Variants in RNF19A observed in about 807,000 individuals in gnomAD.
RNF19A encodes ring finger protein 19A, RBR E3 ubiquitin protein ligase.
In RNF19A, 32 loss-of-function variants were observed where a neutral mutation model predicts 75.7. That is an observed-to-expected ratio of 0.42 (90% CI 0.32 to 0.57). The LOEUF is 0.57. Ranked by LOEUF, RNF19A falls within the 20% of genes least tolerant of loss-of-function variation. The pLI is 0.10. For missense variants in RNF19A, 782 were observed against 1,036.3 expected (o/e 0.75, Z 3.37); for synonymous variants, 335 against 345.2 (o/e 0.97, Z 0.33).
intron 1 of RNF19A, among the ~76,000 whole-genome samples, chr8:100,304,029 T>C (rs1821960975): frequency 6.6e-6 from 1 of 152,170 alleles, no homozygotes; most frequent in African/African-American, 2.4e-5. Context: ...CAATCTCGGC[T>C]CACTATAACC....
rs1820458076 is a variant in RNF19A, at chr8:100,275,410, T to TA, written c.675-250_675-249insT. On this transcript the variant is annotated intron_variant, in intron 2 of 9. Coordinates refer to ENST00000341084, the MANE Select transcript of RNF19A (RefSeq NM_183419.4). This position sits in a 1 kb window ranked among gnomAD's most constrained non-coding sequence, Gnocchi z 4.3. ...CAGGGTTTTTTTTTTAGGTTCAGGG[T>TA]TTTTTTTTTAGATTCAGGGGGTACA... 6.8e-6 allele frequency among the ~76,000 whole-genome samples: 1 copy of TA among 146,734 alleles called. No homozygotes were observed. Among genetic ancestry groups the TA allele is most frequent in the African/African-American group, 2.5e-5 (1 of 40,084 alleles).
Position 100,320,058 on chromosome 8 carries a change from A to T in RNF19A, c.-242-6686T>A, listed in dbSNP as rs1185228598. ...ACCATGTTGGCCAGGCTGGTCTCGA[A>T]CTCCTGACCTCAGGTGACCCAACTG... On this transcript the variant is annotated intron_variant, in intron 1 of 3. Coordinates refer to the RNF19A transcript ENST00000519527. Among the ~76,000 whole-genome samples, 898 of 105,866 alleles carry T rather than the reference A, an allele frequency of 8.5e-3. No homozygotes were observed. The Middle Eastern group carries it at 0.088, about 10-fold the overall frequency. The allele number at this position is 105,866 out of a possible 152,430, so 69.5% of individuals were successfully genotyped here.
intron 1 of RNF19A, among the ~76,000 whole-genome samples, chr8:100,307,867 T>C (rs1021795785): frequency 3.9e-5 from 6 of 152,172 alleles, no homozygotes; most frequent in African/African-American, 1.4e-4. Context: ...AATAGGAATC[T>C]TAGCACCTCT....
At position 100,322,236 on chromosome 8, in the gene RNF19A, G is replaced by A. The variant is rs753888468; in HGVS notation, c.-242-8864C>T. On this transcript the variant is annotated intron_variant, in intron 1 of 3. Coordinates refer to the RNF19A transcript ENST00000519527. The surrounding 1 kb of genome is among the most constrained non-coding windows in gnomAD (Gnocchi z 5.1). The stretch of plus-strand genomic sequence containing the variant: ...GTCTATATTGAAAATCTGTTGTTTA[G>A]TATAGTCCCTTTTATTAATGATCTT... 2.2e-4 allele frequency among the ~76,000 whole-genome samples: 33 copies of A among 152,194 alleles called. No homozygotes were observed. Among genetic ancestry groups the A allele is most frequent in the Non-Finnish European group, 1.5e-4 (10 of 68,028 alleles).
upstream of RNF19A, among the ~76,000 whole-genome samples, chr8:100,310,977 T>A (rs2130276891): frequency 6.6e-6 from 1 of 151,946 alleles, no homozygotes; most frequent in East Asian, 1.9e-4. Context: ...TGGTTTATTC[T>A]CTTCAAGATT....
intron 1 of RNF19A, among the ~76,000 whole-genome samples, chr8:100,328,320 G>A (rs1056160501): frequency 2.0e-5 from 3 of 152,258 alleles, no homozygotes; most frequent in Admixed American, 6.5e-5. Context: ...CCTCTGCCAG[G>A]GAGAGGTCAG....
upstream of RNF19A, chr8:100,313,389 A>C (rs1462810113): frequency 1.2e-6 from 1 of 832,804 alleles, no homozygotes; most frequent in South Asian, 5.5e-5. Flanking sequence ...GACAAGAAGA[A>C]GGCAAACTAG....
In RNF19A at chr8:100,292,435, G is replaced by GGGGTGTGTGT. The variant is rs137938989; in HGVS notation, c.-93-4169_-93-4168insACACACACCC. Among the ~76,000 whole-genome samples, 1,214 of 145,410 alleles carry GGGGTGTGTGT rather than the reference G, an allele frequency of 8.3e-3. 10 individuals are homozygous for GGGGTGTGTGT. The highest frequency in any genetic ancestry group is 0.024 in the African/African-American group (937 of 39,320). Reference sequence around the variant, plus strand: ...TAATAAAGAGGCTTGCTATCATATGGGTGTGTGTGTGTGTGTGTGTGTGTG... The same window carrying GGGGTGTGTGT: ...TAATAAAGAGGCTTGCTATCATATGGGGGTGTGTGTGTGTGTGTGTGTGTGTGTGTGTGTG... On this transcript the variant is annotated intron_variant, in intron 1 of 9. Coordinates refer to ENST00000341084, the MANE Select transcript of RNF19A (RefSeq NM_183419.4).
Position 100,287,153 on chromosome 8 carries a change from C to A in RNF19A, c.674+348G>T, listed in dbSNP as rs745620943. Among the ~76,000 whole-genome samples, 1 of 151,754 alleles carries A rather than the reference C, an allele frequency of 6.6e-6. No individual in the cohort carries two copies. Among genetic ancestry groups the A allele is most frequent in the Non-Finnish European group, 1.5e-5 (1 of 67,856 alleles). On this transcript the variant is annotated intron_variant, in intron 2 of 9. Transcript: ENST00000341084. This position sits in a 1 kb window ranked among gnomAD's most constrained non-coding sequence, Gnocchi z 4.1. ...ATTTGAATTTATGACCACAAATAACCCCCTCATCATAAACAAACCTGATCA... is the reference window on the plus strand; with the variant it reads ...ATTTGAATTTATGACCACAAATAACACCCTCATCATAAACAAACCTGATCA...
At position 100,264,803 on chromosome 8, in the gene RNF19A, A is replaced by T; in HGVS notation, c.1192-18T>A. 6.6e-7 allele frequency: 1 copy of T among 1,524,426 alleles called. No homozygotes were observed. The highest frequency in any genetic ancestry group is 9.1e-7 in the Non-Finnish European group (1 of 1,098,706). The allele number at this position is 1,524,426 out of a possible 1,614,324, so 94.4% of individuals were successfully genotyped here. A position where few individuals can be genotyped will look rare whatever the true frequency, so the allele number is the denominator to read the frequency against. On this transcript the variant is annotated intron_variant, in intron 5 of 9. Transcript: ENST00000341084. The surrounding 1 kb of genome is among the most constrained non-coding windows in gnomAD (Gnocchi z 4.7). ...TTGTGAATCTTGAATTAATAAAAAT[A>T]GGGGTGGGGGATTAAAGAGAAAATA...
chr8:100,272,538 CT>C (rs368580933), intron 3 of RNF19A, among the ~76,000 whole-genome samples: 281 of 144,092 alleles, frequency 2.0e-3, no homozygotes, highest in Middle Eastern at 3.5e-3. Context: ...GTTCACTACA[CT>C]TTTTTTTTTT....
Position 100,264,331 on chromosome 8 carries a change from G to T in RNF19A, c.1307-136C>A. On this transcript the variant is annotated intron_variant, in intron 6 of 9. Transcript: ENST00000341084. The surrounding 1 kb of genome is among the most constrained non-coding windows in gnomAD (Gnocchi z 4.7). ...TTCTGAAGAGTTGGCTGGAACATTT[G>T]CCAAAAGTAGATTTACCCAGTTGTT... 1.3e-6 allele frequency: 1 copy of T among 746,470 alleles called. No individual in the cohort carries two copies. The highest frequency in any genetic ancestry group is 2.1e-6 in the Non-Finnish European group (1 of 477,978). The allele number at this position is 746,470 out of a possible 1,614,324, so 46.2% of individuals were successfully genotyped here.
rs6468710 is a variant in RNF19A, at chr8:100,333,318, T to G, written c.-243+2790A>C. 0.49 allele frequency among the ~76,000 whole-genome samples: 73,985 copies of G among 152,056 alleles called. 20,904 individuals are homozygous for G. Among genetic ancestry groups the G allele is most frequent in the African/African-American group, 0.79 (32,843 of 41,496 alleles). On this transcript the variant is annotated intron_variant, in intron 1 of 3. Transcript: ENST00000519527. This position sits in a 1 kb window ranked among gnomAD's most constrained non-coding sequence, Gnocchi z 4.7. ...CTTCTATTGTTTAACAATTACCCAG[T>G]CTGAGGTATTATATTATAGCAGCAC...
chr8:100,259,467 G>C lies in RNF19A; in HGVS notation c.1827-221C>G, dbSNP rs538861115. On this transcript the variant is annotated intron_variant, in intron 9 of 9. Coordinates refer to ENST00000341084, the MANE Select transcript of RNF19A (RefSeq NM_183419.4). This position sits in a 1 kb window ranked among gnomAD's most constrained non-coding sequence, Gnocchi z 4.5. The stretch of plus-strand genomic sequence containing the variant: ...GGTGGACACATTTATTGCTTATGCT[G>C]TTCTAGACACTATGCTACCTTTTTT... Among the ~76,000 whole-genome samples, 4 of 152,150 alleles carry C rather than the reference G, an allele frequency of 2.6e-5. No homozygotes were observed. The highest frequency in any genetic ancestry group is 9.7e-5 in the African/African-American group (4 of 41,430).
In RNF19A at chr8:100,322,488, C is replaced by T. The variant is rs1251991873; in HGVS notation, c.-242-9116G>A. ...TTGGCTTAAGGTTTAATCTTCTATT[C>T]AGACCATTTAAACTTTCTCCAAATT... On this transcript the variant is annotated intron_variant, in intron 1 of 3. Transcript: ENST00000519527. This position sits in a 1 kb window ranked among gnomAD's most constrained non-coding sequence, Gnocchi z 5.1. Among the ~76,000 whole-genome samples, 1 of 152,230 alleles carries T rather than the reference C, an allele frequency of 6.6e-6. No individual in the cohort carries two copies. Among genetic ancestry groups the T allele is most frequent in the Non-Finnish European group, 1.5e-5 (1 of 68,042 alleles).
At chr8:100,268,715 ATCAATACT>A in intron 5 of RNF19A, 62 bp downstream of exon 5, 2 of 1,027,414 alleles carry the variant, frequency 1.9e-6, no homozygotes, top group Non-Finnish European at 2.6e-6. Context: ...CCCAAAAATC[ATCAATACT>A]AAAAGAATAC....
intron 2 of RNF19A, among the ~76,000 whole-genome samples, chr8:100,285,546 GA>G (rs779819358): frequency 5.0e-4 from 76 of 150,888 alleles, no homozygotes; most frequent in Admixed American, 6.6e-4. Flanking sequence ...TAAGTGACCA[GA>G]AGGTTTGTGT....
intron 1 of RNF19A, among the ~76,000 whole-genome samples, chr8:100,290,892 G>C (rs947619522): frequency 2.6e-5 from 4 of 152,162 alleles, no homozygotes; most frequent in Non-Finnish European, 4.4e-5. Context: ...CCTAAACACA[G>C]ATGTTTCATT....
chr8:100,260,198 A>C lies in RNF19A; in HGVS notation c.1683-201T>G, dbSNP rs1819647986. 1.3e-5 allele frequency among the ~76,000 whole-genome samples: 2 copies of C among 152,222 alleles called. No individual in the cohort carries two copies. Among genetic ancestry groups the C allele is most frequent in the Admixed American group, 1.3e-4 (2 of 15,278 alleles). On this transcript the variant is annotated intron_variant, in intron 8 of 9. Coordinates refer to ENST00000341084, the MANE Select transcript of RNF19A (RefSeq NM_183419.4). The surrounding 1 kb of genome is among the most constrained non-coding windows in gnomAD (Gnocchi z 4.1). The stretch of plus-strand genomic sequence containing the variant: ...CCATCCAAATAAAATGGGGAACATC[A>C]GCTGTCTGCCAAGTAAAGTGGTAAT...
Sources: gnomAD v4.1 joint callset for allele counts (sites outside exome capture counted in the v4.1 genomes callset) on GRCh38, gnomAD v4.1.1 for gene constraint, Gnocchi (gnomAD v3.1) non-coding constraint, MANE v1.5 for transcripts, NCBI Gene and HGNC (gene_info 2026-07-23, HGNC 2026-07-21) for gene names.